PRKG1: variants seen among roughly 807,000 people sequenced by gnomAD.
The protein encoded by PRKG1 is protein kinase cGMP-dependent 1.
In PRKG1, 35 loss-of-function variants were observed where a neutral mutation model predicts 88.1. The ratio of observed to expected loss-of-function variants is 0.40; its 90% CI spans 0.30 to 0.53. The LOEUF (loss-of-function observed/expected upper bound fraction) is 0.53, where lower values mean the gene tolerates loss of function less well. Among genes scored for constraint, PRKG1 ranks in the 20% least tolerant of loss-of-function variants. The pLI, the probability that PRKG1 is intolerant of heterozygous loss-of-function variation, is 0.59. For missense variants in PRKG1, 540 were observed against 839.8 expected, an observed-to-expected ratio of 0.64 and a Z score of 4.41; for synonymous variants, 303 against 292.5, an observed-to-expected ratio of 1.04 and a Z score of -0.37.
intron 2 of PRKG1, among the ~76,000 whole-genome samples, chr10:51,342,189 G>T (rs1842017540): frequency 1.3e-5 from 2 of 152,154 alleles, no homozygotes; most frequent in Non-Finnish European, 2.9e-5. Flanking sequence ...CTGAAGTAAG[G>T]TGAGGACTCC....
At chr10:51,091,039 T>C in intron 1 of PRKG1, among the ~76,000 whole-genome samples, 1 of 152,178 alleles carries the variant, frequency 6.6e-6, no homozygotes, top group East Asian at 1.9e-4. Context: ...AACAATATGA[T>C]TGTGGATAAA....
chr10:51,340,044 G>T (rs1184422624), intron 2 of PRKG1, among the ~76,000 whole-genome samples: 2 of 152,072 alleles, frequency 1.3e-5, no homozygotes, highest in Non-Finnish European at 1.5e-5. Context: ...TGGAATAAAA[G>T]CCTCTGCTAG....
intron 2 of PRKG1, among the ~76,000 whole-genome samples, chr10:51,250,336 G>T (rs780521568): frequency 6.6e-6 from 1 of 151,876 alleles, no homozygotes; most frequent in Non-Finnish European, 1.5e-5. Flanking sequence ...AAAGAACTAA[G>T]AGTGAATGAT....
intron 5 of PRKG1, among the ~76,000 whole-genome samples, chr10:51,994,904 A>C (rs1844400041): frequency 6.6e-6 from 1 of 152,182 alleles, no homozygotes; most frequent in Admixed American, 6.5e-5. Context: ...CTAAAGGGAA[A>C]CTTTGATCAC....
intron 2 of PRKG1, among the ~76,000 whole-genome samples, chr10:51,190,023 C>T (rs538103375): frequency 9.2e-5 from 14 of 151,958 alleles, no homozygotes; most frequent in East Asian, 5.8e-4. Flanking sequence ...ACTATACATG[C>T]GCCTTAGAAA....
intron 3 of PRKG1, among the ~76,000 whole-genome samples, chr10:51,780,464 AC>A (rs1353910503): frequency 6.6e-6 from 1 of 152,178 alleles, no homozygotes; most frequent in African/African-American, 2.4e-5. Context: ...AGACTTAAAA[AC>A]ATTCTAAAGA....
chr10:51,382,926 T>A (rs535947170), intron 2 of PRKG1, among the ~76,000 whole-genome samples: 2 of 152,262 alleles, frequency 1.3e-5, no homozygotes, highest in Non-Finnish European at 2.9e-5. Flanking sequence ...TCCTTCCCTT[T>A]AGTAGGCTTA....
chr10:51,422,995 G>A (rs1315756754), intron 2 of PRKG1, among the ~76,000 whole-genome samples: 1 of 147,932 alleles, frequency 6.8e-6, no homozygotes, highest in Non-Finnish European at 1.5e-5. Context: ...GATTATAGAA[G>A]CTAACCCTAA....
chr10:51,986,787 G>A (rs1291362883), intron 5 of PRKG1, among the ~76,000 whole-genome samples: 1 of 152,184 alleles, frequency 6.6e-6, no homozygotes, highest in African/African-American at 2.4e-5. Context: ...GGACTTGCCT[G>A]TTGGAGGGGA....
At chr10:51,799,276 G>C (rs1839101595) in intron 3 of PRKG1, among the ~76,000 whole-genome samples, 1 of 151,974 alleles carries the variant, frequency 6.6e-6, no homozygotes, top group Non-Finnish European at 1.5e-5. Flanking sequence ...TCAGTATCAA[G>C]TTATAATTCC....
At chr10:51,970,806 A>T (rs1220037421) in intron 5 of PRKG1, among the ~76,000 whole-genome samples, 1 of 143,780 alleles carries the variant, frequency 7.0e-6, no homozygotes, top group African/African-American at 2.6e-5. Flanking sequence ...TATATATATC[A>T]GATGATGTGT....
chr10:51,867,297 A>G (rs114966353), intron 4 of PRKG1, among the ~76,000 whole-genome samples: 1 of 152,190 alleles, frequency 6.6e-6, no homozygotes, highest in Non-Finnish European at 1.5e-5. Context: ...CTTATGTTCC[A>G]TGCTAAATAA....
At chr10:51,609,786 A>G (rs1217803307) in intron 3 of PRKG1, among the ~76,000 whole-genome samples, 1 of 152,158 alleles carries the variant, frequency 6.6e-6, no homozygotes, top group Non-Finnish European at 1.5e-5. Flanking sequence ...GAGCCTAACA[A>G]TGAGAACACA....
At chr10:52,186,163 G>A (rs975943252) in intron 9 of PRKG1, among the ~76,000 whole-genome samples, 1 of 152,158 alleles carries the variant, frequency 6.6e-6, no homozygotes, top group East Asian at 1.9e-4. Context: ...GGTTCTGCAG[G>A]CTGTACAAGA....
chr10:50,994,124 T>C (rs1842809562), intron 1 of PRKG1, among the ~76,000 whole-genome samples: 1 of 152,212 alleles, frequency 6.6e-6, no homozygotes, highest in African/African-American at 2.4e-5. Flanking sequence ...TGGAGTTTAT[T>C]TTCAGCAAGC....
intron 5 of PRKG1, among the ~76,000 whole-genome samples, chr10:51,938,893 T>C (rs1365581829): frequency 6.6e-6 from 1 of 152,090 alleles, no homozygotes; most frequent in African/African-American, 2.4e-5. Flanking sequence ...TCTGGAAAGA[T>C]TAAATAGAAT....
chr10:51,074,885 T>C lies in PRKG1; in HGVS notation c.295T>C (p.Tyr99His), dbSNP rs1843906623. ...QDLSHVTLPF[Y>H]PKSPQSKDLI... Reference sequence around the variant, plus strand: ...TCTCAGCCATGTGACCCTGCCCTTCTACCCCAAGAGCCCACAGTAAGCAGG... The same window carrying C: ...TCTCAGCCATGTGACCCTGCCCTTCCACCCCAAGAGCCCACAGTAAGCAGG... The change falls in exon 1 of 18, where the codon TAC becomes CAC. Residue 99 changes from tyrosine (Y) to histidine (H), a missense_variant. Around this residue, in one of 5 missense-constraint regions of PRKG1, gnomAD observed 400 missense variants for 562.7 expected, o/e 0.71. Coordinates refer to ENST00000373980, the MANE Select transcript of PRKG1 (RefSeq NM_006258.4). 2 of 1,610,410 alleles carry C rather than the reference T, an allele frequency of 1.2e-6. No individual in the cohort carries two copies. The highest frequency in any genetic ancestry group is 1.3e-5 in the African/African-American group (1 of 74,870).
chr10:52,010,864 AAG>A (rs1390467491), intron 5 of PRKG1, among the ~76,000 whole-genome samples: 3 of 152,322 alleles, frequency 2.0e-5, no homozygotes, highest in Non-Finnish European at 2.9e-5. Context: ...GTACTCCAGA[AAG>A]AAAAAGCCAA....
intron 2 of PRKG1, among the ~76,000 whole-genome samples, chr10:51,313,402 G>T: frequency 6.6e-6 from 1 of 151,898 alleles, no homozygotes; most frequent in East Asian, 1.9e-4. Flanking sequence ...ATTTCACTTT[G>T]TTTTTATGGA....
Sources: allele counts gnomAD v4.1 joint callset (sites outside exome capture counted in the v4.1 genomes callset), GRCh38; gene constraint gnomAD v4.1.1; regional missense constraint gnomAD v4.1.1; transcripts MANE v1.5; gene names NCBI Gene and HGNC (gene_info 2026-07-23, HGNC 2026-07-21).